Variants in TMEM178B observed in about 807,000 individuals in gnomAD.
The protein encoded by TMEM178B is transmembrane protein 178B.
Under a neutral mutation model 31.0 loss-of-function variants are expected in TMEM178B, and 5 were observed. The ratio of observed to expected loss-of-function variants is 0.16; its 90% CI spans 0.08 to 0.34. The LOEUF is 0.34. TMEM178B is among the 10% of genes least tolerant of loss of function. The pLI, the probability that TMEM178B is intolerant of heterozygous loss-of-function variation, is 1.00. For missense variants in TMEM178B, 275 were observed against 400.3 expected (o/e 0.69, Z 2.67); for synonymous variants, 164 against 164.0 (o/e 1.00, Z 0.00).
At chr7:141,286,460 A>G (rs1281652581) in intron 2 of TMEM178B, among the ~76,000 whole-genome samples, 1 of 152,162 alleles carries the variant, frequency 6.6e-6, no homozygotes, top group Admixed American at 6.5e-5. Flanking sequence ...CTCTTTCTTT[A>G]GAGATGGTAT....
intron 1 of TMEM178B, among the ~76,000 whole-genome samples, chr7:141,202,765 A>G (rs1796898611): frequency 6.6e-6 from 1 of 152,152 alleles, no homozygotes; most frequent in South Asian, 2.1e-4. Context: ...ATTTCTTGAA[A>G]TAAGCTTTTG....
chr7:141,456,297 A>T (rs1339352723), intron 3 of TMEM178B, among the ~76,000 whole-genome samples: 1 of 152,116 alleles, frequency 6.6e-6, no homozygotes, highest in Non-Finnish European at 1.5e-5. Flanking sequence ...CTACCCCTGT[A>T]TTTTATGGTT....
At chr7:141,377,069 CAG>C (rs1800227983) in intron 2 of TMEM178B, among the ~76,000 whole-genome samples, 1 of 151,932 alleles carries the variant, frequency 6.6e-6, no homozygotes, top group African/African-American at 2.4e-5. Flanking sequence ...AGCTGATTTC[CAG>C]GTAGTAGAAA....
chr7:141,103,298 A>G (rs1393851794), intron 1 of TMEM178B, among the ~76,000 whole-genome samples: 3 of 152,218 alleles, frequency 2.0e-5, no homozygotes, highest in Non-Finnish European at 4.4e-5. Context: ...GATAGTGGAC[A>G]TATATTGTCA....
At chr7:141,178,132 G>T (rs1333204951) in intron 1 of TMEM178B, among the ~76,000 whole-genome samples, 2 of 152,150 alleles carry the variant, frequency 1.3e-5, no homozygotes, top group African/African-American at 4.8e-5. Context: ...TGTAGGGCAG[G>T]CCTGGTGGTG....
At chr7:141,421,497 G>A (rs1316211349) in intron 2 of TMEM178B, among the ~76,000 whole-genome samples, 1 of 152,148 alleles carries the variant, frequency 6.6e-6, no homozygotes, top group Non-Finnish European at 1.5e-5. Flanking sequence ...GACTCTAGGA[G>A]ACCACAGAGC....
chr7:141,415,328 A>G (rs1586945281), intron 2 of TMEM178B: 1 of 152,862 alleles, frequency 6.5e-6, no homozygotes, highest in South Asian at 2.1e-4. Context: ...GTGGATCTGC[A>G]AGAGGGAAGA....
chr7:141,313,003 TG>T (rs1174586991), intron 2 of TMEM178B, among the ~76,000 whole-genome samples: 1 of 152,222 alleles, frequency 6.6e-6, no homozygotes, highest in Non-Finnish European at 1.5e-5. Flanking sequence ...CCTAGCTGTC[TG>T]GGAATGCAGC....
At chr7:141,320,954 T>G (rs1274053935) in intron 2 of TMEM178B, among the ~76,000 whole-genome samples, 2 of 152,162 alleles carry the variant, frequency 1.3e-5, no homozygotes, top group African/African-American at 4.8e-5. Flanking sequence ...GGGTGGAACC[T>G]TGCAGAAATT....
At chr7:141,132,877 A>C (rs766871747) in intron 1 of TMEM178B, among the ~76,000 whole-genome samples, 16 of 152,194 alleles carry the variant, frequency 1.1e-4, no homozygotes, top group Non-Finnish European at 1.8e-4. Context: ...GTGTCTGATG[A>C]CCAGTCTGCC....
intron 1 of TMEM178B, among the ~76,000 whole-genome samples, chr7:141,160,894 G>T (rs1586802380): frequency 1.3e-5 from 2 of 152,236 alleles, no homozygotes; most frequent in African/African-American, 4.8e-5. Context: ...TTTTGCTCTT[G>T]TTGCCCAGGA....
intron 2 of TMEM178B, among the ~76,000 whole-genome samples, chr7:141,293,574 AG>A (rs371082292): frequency 2.0e-5 from 3 of 152,194 alleles, no homozygotes; most frequent in African/African-American, 7.2e-5. Flanking sequence ...AATGGAAAAA[AG>A]AAAAGGAAGT....
At chr7:141,449,293 A>C (rs1801819315) in intron 3 of TMEM178B, among the ~76,000 whole-genome samples, 1 of 152,138 alleles carries the variant, frequency 6.6e-6, no homozygotes, top group Non-Finnish European at 1.5e-5. Flanking sequence ...CCCAGGAAAC[A>C]AGAGGGACAA....
chr7:141,285,155 T>G (rs1467650706), intron 2 of TMEM178B, among the ~76,000 whole-genome samples: 1 of 41,722 alleles, frequency 2.4e-5, no homozygotes, highest in African/African-American at 9.2e-5. Context: ...TTCTTGTTTC[T>G]TTTTTTTTTT....
intron 2 of TMEM178B, among the ~76,000 whole-genome samples, chr7:141,217,154 C>T (rs1437817178): frequency 6.6e-6 from 1 of 152,232 alleles, no homozygotes; most frequent in Non-Finnish European, 1.5e-5. Context: ...TTTCATATCC[C>T]ACAGTCTATG....
intron 2 of TMEM178B, among the ~76,000 whole-genome samples, chr7:141,337,137 CCACCAT>C (rs1799426065): frequency 2.1e-5 from 1 of 48,440 alleles, no homozygotes; most frequent in Non-Finnish European, 3.6e-5. Context: ...ATCACCACCA[CCACCAT>C]CATCACCACC....
intron 2 of TMEM178B, among the ~76,000 whole-genome samples, chr7:141,313,123 A>G (rs17162075): frequency 0.18 from 27,294 of 151,888 alleles, 2,955 homozygotes; most frequent in African/African-American, 0.29. Flanking sequence ...TTTTTTAAAA[A>G]CTCTATTTGG....
intron 1 of TMEM178B, among the ~76,000 whole-genome samples, chr7:141,083,503 G>GAGACAGACAGAC (rs56305234): frequency 6.7e-6 from 1 of 148,392 alleles, no homozygotes; most frequent in Non-Finnish European, 1.5e-5. Context: ...GAGAGAGAGA[G>GAGACAGACAGAC]AGACAGACAG....
intron 2 of TMEM178B, among the ~76,000 whole-genome samples, chr7:141,317,811 G>A (rs1198933401): frequency 3.3e-5 from 5 of 152,142 alleles, no homozygotes; most frequent in African/African-American, 1.2e-4. Flanking sequence ...GGTTCTGCCA[G>A]CAATTAAGGG....
Sources: gnomAD v4.1 joint callset for allele counts (sites outside exome capture counted in the v4.1 genomes callset) on GRCh38, gnomAD v4.1.1 for gene constraint, MANE v1.5 for transcripts, NCBI Gene and HGNC (gene_info 2026-07-23, HGNC 2026-07-21) for gene names.